CDH18: variants seen among roughly 807,000 people sequenced by gnomAD.
CDH18 encodes the protein cadherin 18, also known as cadherin-18.
Under a neutral mutation model 67.9 loss-of-function variants are expected in CDH18, and 31 were observed. The observed-to-expected ratio is 0.46, with a 90% CI of 0.34 to 0.62. CDH18 has a LOEUF of 0.62. Among genes scored for constraint, CDH18 ranks in the 20% least tolerant of loss-of-function variants. CDH18 has a pLI of 0.01. For synonymous variants in CDH18, 362 were observed against 347.2 expected (o/e 1.04, Z -0.48); for missense variants, 890 against 975.5 (o/e 0.91, Z 1.17).
chr5:19,984,309 T>C (rs187193286), intron 1 of CDH18, among the ~76,000 whole-genome samples: 1 of 152,184 alleles, frequency 6.6e-6, no homozygotes, highest in East Asian at 1.9e-4. Flanking sequence ...ATGGTTACTG[T>C]TTAAGAGTAA....
intron 2 of CDH18, among the ~76,000 whole-genome samples, chr5:19,875,444 ATC>A (rs546830885): frequency 2.5e-3 from 359 of 145,344 alleles, no homozygotes; most frequent in African/African-American, 9.7e-3. Flanking sequence ...AGATAGATCG[ATC>A]GATCTATAGA....
chr5:19,578,207 T>C lies in CDH18; in HGVS notation c.1000-6375A>G, dbSNP rs115605261. ...CCTAGGAAACGAATGTAAATTTGTC[T>C]GCTTTATGTAGAAACATAGTAGAAA... On this transcript the variant is annotated intron_variant, in intron 7 of 12. Transcript: ENST00000382275. 9.3e-3 allele frequency among the ~76,000 whole-genome samples: 1,413 copies of C among 152,322 alleles called. 23 individuals carry two copies. The highest frequency in any genetic ancestry group is 0.031 in the African/African-American group (1,300 of 41,586).
intron 1 of CDH18, among the ~76,000 whole-genome samples, chr5:20,460,383 C>T (rs1444216336): frequency 6.8e-6 from 1 of 146,924 alleles, no homozygotes; most frequent in East Asian, 2.0e-4. Context: ...CAGAGCGAGA[C>T]TCCATCTCTA....
In CDH18 at chr5:20,230,489, C is replaced by A. The variant is rs535557683; in HGVS notation, c.-518+24955G>T. Among the ~76,000 whole-genome samples the A allele has an allele frequency of 7.9e-5, 12 of 152,210 alleles. No individual in the cohort carries two copies. The South Asian group carries it at 2.3e-3, about 29-fold the overall frequency. On this transcript the variant is annotated intron_variant, in intron 2 of 14. Coordinates refer to the CDH18 transcript ENST00000507958. ...AGTTATTTATTTCTATCTAAATTAT[C>A]TTTTATTTGGTTACAAATTAAATAA...
intron 1 of CDH18, among the ~76,000 whole-genome samples, chr5:20,557,010 A>C (rs1482182774): frequency 6.6e-6 from 1 of 152,158 alleles, no homozygotes; most frequent in Non-Finnish European, 1.5e-5. Context: ...ATTTCTTTGA[A>C]GCTTTAGAGA....
intron 3 of CDH18, among the ~76,000 whole-genome samples, chr5:19,747,942 A>G (rs1770256987): frequency 1.3e-5 from 2 of 150,794 alleles, no homozygotes; most frequent in South Asian, 4.2e-4. Flanking sequence ...CTCCGTCTCT[A>G]CTAAAAAAGT....
intron 5 of CDH18, among the ~76,000 whole-genome samples, chr5:19,660,283 T>C (rs765333158): frequency 3.3e-4 from 50 of 152,128 alleles, no homozygotes; most frequent in Non-Finnish European, 1.2e-4. Flanking sequence ...TTTCTATAAG[T>C]AGTTTTAAAA....
intron 2 of CDH18, among the ~76,000 whole-genome samples, chr5:20,052,990 A>G (rs1265125541): frequency 6.6e-6 from 1 of 150,870 alleles, no homozygotes; most frequent in Non-Finnish European, 1.5e-5. Flanking sequence ...GTTTGTCCTC[A>G]AATAAACTCT....
intron 2 of CDH18, among the ~76,000 whole-genome samples, chr5:19,946,026 A>G (rs1795253961): frequency 6.6e-6 from 1 of 152,136 alleles, no homozygotes; most frequent in South Asian, 2.1e-4. Flanking sequence ...CACACAGGAT[A>G]AAACCAAAAG....
intron 3 of CDH18, among the ~76,000 whole-genome samples, chr5:19,807,184 G>C (rs180710172): frequency 6.6e-6 from 1 of 152,140 alleles, no homozygotes; most frequent in Non-Finnish European, 1.5e-5. Context: ...TGTGGTGGGG[G>C]TAGAGAGAGC....
At chr5:19,758,276 A>G (rs777162258) in intron 3 of CDH18, among the ~76,000 whole-genome samples, 2 of 152,242 alleles carry the variant, frequency 1.3e-5, no homozygotes, top group Admixed American at 1.3e-4. Context: ...GGTGACATGT[A>G]GTCAAATGTT....
intron 2 of CDH18, among the ~76,000 whole-genome samples, chr5:20,156,755 C>T (rs981702681): frequency 4.6e-5 from 7 of 152,102 alleles, no homozygotes; most frequent in African/African-American, 1.4e-4. Flanking sequence ...TACCACCAGA[C>T]CTACTCTACC....
intron 1 of CDH18, among the ~76,000 whole-genome samples, chr5:20,491,527 A>G (rs1753583892): frequency 6.6e-6 from 1 of 152,188 alleles, no homozygotes; most frequent in Admixed American, 6.6e-5. Context: ...TGGCAGGTGG[A>G]GACCAAGGAA....
intron 1 of CDH18, among the ~76,000 whole-genome samples, chr5:20,488,046 T>A (rs1261141638): frequency 6.6e-6 from 1 of 152,128 alleles, no homozygotes; most frequent in African/African-American, 2.4e-5. Context: ...TTTCCATGGA[T>A]GCCATTTCTT....
At chr5:20,516,850 G>A (rs140859097) in intron 1 of CDH18, among the ~76,000 whole-genome samples, 6 of 151,884 alleles carry the variant, frequency 4.0e-5, no homozygotes, top group African/African-American at 7.2e-5. Flanking sequence ...TTACAACCTC[G>A]TTTATTCCAA....
intron 2 of CDH18, among the ~76,000 whole-genome samples, chr5:20,042,319 TTC>T (rs1333223469): frequency 6.6e-6 from 1 of 152,244 alleles, no homozygotes; most frequent in African/African-American, 2.4e-5. Flanking sequence ...TCTCTGAATT[TTC>T]TATTTTCAAT....
intron 2 of CDH18, among the ~76,000 whole-genome samples, chr5:20,190,642 C>T (rs1454076612): frequency 6.6e-6 from 1 of 151,984 alleles, no homozygotes; most frequent in Non-Finnish European, 1.5e-5. Flanking sequence ...TTTCCCAAAG[C>T]TATTGTTCAA....
intron 2 of CDH18, among the ~76,000 whole-genome samples, chr5:20,133,608 T>C (rs1749453437): frequency 6.6e-6 from 1 of 152,200 alleles, no homozygotes; most frequent in Non-Finnish European, 1.5e-5. Context: ...ATTTCACTCC[T>C]TTCTTGATGA....
At chr5:20,433,522 A>G (rs1748937836) in intron 1 of CDH18, among the ~76,000 whole-genome samples, 1 of 152,064 alleles carries the variant, frequency 6.6e-6, no homozygotes, top group South Asian at 2.1e-4. Context: ...TGAGGAGAAG[A>G]GGAGTAGTTG....
Sources: allele counts gnomAD v4.1 joint callset (sites outside exome capture counted in the v4.1 genomes callset), GRCh38; gene constraint gnomAD v4.1.1; transcripts MANE v1.5; gene names NCBI Gene and HGNC (gene_info 2026-07-23, HGNC 2026-07-21).